Variants in TBCA observed in about 807,000 individuals in gnomAD.
The protein encoded by TBCA is tubulin folding cofactor A, also known as tubulin-specific chaperone A.
A neutral mutation model predicts 15.8 loss-of-function variants in TBCA; 6 were observed. That is an observed-to-expected ratio of 0.38 (90% CI 0.21 to 0.75). The LOEUF (loss-of-function observed/expected upper bound fraction) is 0.75, where lower values mean the gene tolerates loss of function less well. TBCA is among the 30% of genes least tolerant of loss of function. TBCA has a pLI of 0.46. For missense variants in TBCA, 90 were observed against 131.2 expected, an observed-to-expected ratio of 0.69 and a Z score of 1.53; for synonymous variants, 32 against 42.3, an observed-to-expected ratio of 0.76 and a Z score of 0.94.
chr5:77,716,087 T>G (rs1013477595), intron 1 of TBCA, among the ~76,000 whole-genome samples: 4 of 152,238 alleles, frequency 2.6e-5, no homozygotes, highest in Non-Finnish European at 5.9e-5. Flanking sequence ...TTAAGTAGTA[T>G]TATCTCTATT....
At chr5:77,735,654 G>T (rs940074935) in intron 1 of TBCA, among the ~76,000 whole-genome samples, 4 of 152,038 alleles carry the variant, frequency 2.6e-5, no homozygotes, top group Non-Finnish European at 5.9e-5. Flanking sequence ...GTGAAAATTA[G>T]ATATTCGTTT....
At chr5:77,768,290 T>C (rs1212788107) in intron 1 of TBCA, among the ~76,000 whole-genome samples, 1 of 152,224 alleles carries the variant, frequency 6.6e-6, no homozygotes, top group African/African-American at 2.4e-5. Flanking sequence ...TTTACATGAT[T>C]ACCTTATTTA....
chr5:77,758,902 C>A (rs937795641), intron 1 of TBCA, among the ~76,000 whole-genome samples: 1 of 152,194 alleles, frequency 6.6e-6, no homozygotes, highest in Non-Finnish European at 1.5e-5. Flanking sequence ...TGGGAAATTG[C>A]TGCTCCCTGC....
intron 1 of TBCA, among the ~76,000 whole-genome samples, chr5:77,747,129 T>C (rs192362231): frequency 1.3e-5 from 2 of 151,836 alleles, no homozygotes; most frequent in East Asian, 3.9e-4. Context: ...TCCTTCCTCA[T>C]ACATACATAC....
chr5:77,766,195 CACAA>C (rs1270194861), intron 1 of TBCA, among the ~76,000 whole-genome samples: 1 of 152,108 alleles, frequency 6.6e-6, no homozygotes, highest in Non-Finnish European at 1.5e-5. Context: ...CAGTTAAACA[CACAA>C]ACACAGACCC....
At chr5:77,701,844 T>G (rs1746027161) in intron 2 of TBCA, among the ~76,000 whole-genome samples, 1 of 151,368 alleles carries the variant, frequency 6.6e-6, no homozygotes, top group African/African-American at 2.4e-5. Flanking sequence ...TATGATGGAA[T>G]ACTACCTCAG....
At chr5:77,709,022 T>C (rs1047591399) in intron 1 of TBCA, among the ~76,000 whole-genome samples, 6 of 151,240 alleles carry the variant, frequency 4.0e-5, no homozygotes, top group African/African-American at 1.5e-4. Flanking sequence ...CAAACCTTTA[T>C]ACATGTATCT....
At chr5:77,767,379 G>T (rs353914) in intron 1 of TBCA, among the ~76,000 whole-genome samples, 132,987 of 152,194 alleles carry the variant, frequency 0.87, 58,437 homozygotes, top group Non-Finnish European at 0.92. Context: ...TTAAAAAACA[G>T]TAAGAAGGAT....
intron 2 of TBCA, among the ~76,000 whole-genome samples, chr5:77,697,758 CA>C (rs1193866814): frequency 6.6e-6 from 1 of 151,802 alleles, no homozygotes; most frequent in African/African-American, 2.4e-5. Flanking sequence ...CTAAAACAAG[CA>C]GAAGGAAATA....
chr5:77,691,238 C>T lies in TBCA; in HGVS notation c.*180G>A, dbSNP rs1041707803. 3 of 602,046 alleles carry T rather than the reference C, an allele frequency of 5.0e-6. No individual in the cohort carries two copies. The highest frequency in any genetic ancestry group is 2.4e-5 in the South Asian group (1 of 41,092). The allele number at this position is 602,046 out of a possible 1,614,324, so 37.3% of individuals were successfully genotyped here. ...AAAATTTTGTAAAGTATAAAATAAA[C>T]AATTTTATTAGATGAACTCATTTAT... On this transcript the variant is annotated 3_prime_UTR_variant, in exon 4 of 4. Transcript: ENST00000380377.
intron 1 of TBCA, among the ~76,000 whole-genome samples, chr5:77,771,080 C>G (rs1480577901): frequency 6.6e-6 from 1 of 152,146 alleles, no homozygotes; most frequent in Non-Finnish European, 1.5e-5. Flanking sequence ...GAGATCACAC[C>G]AGTCCACTCC....
intron 1 of TBCA, among the ~76,000 whole-genome samples, chr5:77,772,207 CTTT>C (rs1747931502): frequency 6.6e-6 from 1 of 152,048 alleles, no homozygotes; most frequent in South Asian, 2.1e-4. Context: ...CTTTTAGACC[CTTT>C]TTATCATGAA....
chr5:77,693,150 C>T, intron 3 of TBCA, 116 bp downstream of exon 3: 1 of 1,535,634 alleles, frequency 6.5e-7, no homozygotes, highest in Non-Finnish European at 8.7e-7. Flanking sequence ...GTATAAAGGG[C>T]AAGTGAATAA....
chr5:77,750,314 T>C (rs1444267880), intron 1 of TBCA, among the ~76,000 whole-genome samples: 3 of 152,162 alleles, frequency 2.0e-5, no homozygotes, highest in Non-Finnish European at 4.4e-5. Context: ...AGACACTGTT[T>C]CTGTCCTCAA....
chr5:77,763,523 T>C (rs1747696408), intron 1 of TBCA, among the ~76,000 whole-genome samples: 1 of 152,144 alleles, frequency 6.6e-6, no homozygotes, highest in Non-Finnish European at 1.5e-5. Context: ...TATCTTAACG[T>C]TCAATGTAAC....
intron 1 of TBCA, among the ~76,000 whole-genome samples, chr5:77,736,321 G>A (rs1017034393): frequency 7.2e-5 from 10 of 138,578 alleles, no homozygotes; most frequent in African/African-American, 2.8e-4. Flanking sequence ...GAGTGACAGA[G>A]CGAGACTCCG....
chr5:77,776,097 G>T, intron 1 of TBCA, 108 bp downstream of exon 1: 5 of 1,394,698 alleles, frequency 3.6e-6, no homozygotes, highest in Non-Finnish European at 4.9e-6. Context: ...GTGCGGCCTG[G>T]AGTTCGGAGC....
intron 1 of TBCA, among the ~76,000 whole-genome samples, chr5:77,763,457 C>A (rs1190224590): frequency 6.6e-6 from 1 of 152,100 alleles, no homozygotes; most frequent in Admixed American, 6.5e-5. Context: ...GCATTGCAAG[C>A]GACTAAATGT....
At chr5:77,697,587 A>T (rs1183409760) in intron 2 of TBCA, among the ~76,000 whole-genome samples, 3 of 152,122 alleles carry the variant, frequency 2.0e-5, no homozygotes, top group Admixed American at 6.5e-5. Context: ...ATAACATGTC[A>T]AATTTTGTGG....
Sources: gnomAD v4.1 joint callset for allele counts (sites outside exome capture counted in the v4.1 genomes callset) on GRCh38, gnomAD v4.1.1 for gene constraint, MANE v1.5 for transcripts, NCBI Gene and HGNC (gene_info 2026-07-23, HGNC 2026-07-21) for gene names.